The following MYPN variants were observed in gnomAD, a reference collection of about 807,000 sequenced individuals.
MYPN encodes the protein myopalladin.
In MYPN, 63 loss-of-function variants were observed where a neutral mutation model predicts 129.4. The observed-to-expected ratio is 0.49, with a 90% confidence interval of 0.40 to 0.60. The LOEUF is 0.60. Among genes scored for constraint, MYPN ranks in the 20% least tolerant of loss-of-function variants. The pLI is 0.00. For missense variants in MYPN, 1,596 were observed against 1,635.4 expected (o/e 0.98, Z 0.42); for synonymous variants, 629 against 600.9 (o/e 1.05, Z -0.68).
intron 1 of MYPN, among the ~76,000 whole-genome samples, chr10:68,120,930 T>G (rs1803081530): frequency 6.6e-6 from 1 of 152,158 alleles, no homozygotes; most frequent in Middle Eastern, 3.2e-3. Flanking sequence ...TTCAGGGAAA[T>G]TTCATTCTGT....
chr10:68,202,991 T>C (rs2043743939), intron 18 of MYPN, among the ~76,000 whole-genome samples: 1 of 152,216 alleles, frequency 6.6e-6, no homozygotes, highest in Admixed American at 6.5e-5. Context: ...CTATATACTC[T>C]AAATAAACTG....
intron 1 of MYPN, among the ~76,000 whole-genome samples, chr10:68,110,678 A>C (rs906057788): frequency 6.6e-6 from 1 of 152,214 alleles, no homozygotes; most frequent in African/African-American, 2.4e-5. Flanking sequence ...TCTCCTTAAT[A>C]ATAACAGCTC....
rs2043625770 is a variant in MYPN at position 68,197,358 on chromosome 10, A to T, written c.3165A>T (p.Arg1055Ser). Residue 1055 changes from arginine (R) to serine (S), a missense_variant, in exon 16 of 20, where the codon AGA becomes AGT. Coordinates refer to ENST00000358913, the MANE Select transcript of MYPN (RefSeq NM_032578.4). ...LTSAGQSHRG[R>S]SRVQERDKEP... ...AACATGCTTGTTGTTATAGGGGAAG[A>T]TCCCGAGTGCAAGAAAGAGACAAAG... is the stretch of plus-strand genomic sequence containing the variant. 6.2e-7 allele frequency: 1 copy of T among 1,613,462 alleles called. No homozygotes were observed. The highest frequency in any genetic ancestry group is 8.5e-7 in the Non-Finnish European group (1 of 1,179,716).
intron 7 of MYPN, among the ~76,000 whole-genome samples, chr10:68,159,411 G>A (rs1231495413): frequency 6.6e-6 from 1 of 152,158 alleles, no homozygotes; most frequent in Admixed American, 6.5e-5. Context: ...CAAAAAATGG[G>A]AACACTTGTT....
intron 14 of MYPN, 129 bp from the exon 15 acceptor site, chr10:68,195,317 TTTTA>T (rs2134281100): frequency 1.3e-6 from 1 of 745,062 alleles, no homozygotes; most frequent in East Asian, 2.7e-5. Context: ...ATTTTATTGT[TTTTA>T]TTTCTCTCCC....
At chr10:68,177,249 A>T (rs1305858930) in intron 12 of MYPN, among the ~76,000 whole-genome samples, 1 of 152,182 alleles carries the variant, frequency 6.6e-6, no homozygotes, top group African/African-American at 2.4e-5. Context: ...CTCCATCATG[A>T]ATTAACTTCT....
intron 12 of MYPN, 136 bp downstream of exon 12, chr10:68,175,597 C>A: frequency 2.1e-6 from 2 of 957,814 alleles, no homozygotes; most frequent in East Asian, 2.6e-5. Context: ...ACAGACTAAC[C>A]AAAGGTCATG....
intron 1 of MYPN, among the ~76,000 whole-genome samples, chr10:68,095,215 A>G (rs2041950653): frequency 6.6e-6 from 1 of 151,762 alleles, no homozygotes; most frequent in Non-Finnish European, 1.5e-5. Context: ...GTGGGTGTGG[A>G]GTCACATATC....
At chr10:68,166,155 T>G in intron 9 of MYPN, 139 bp from the exon 10 acceptor site, 1 of 976,650 alleles carries the variant, frequency 1.0e-6, no homozygotes, top group Non-Finnish European at 1.6e-6. Flanking sequence ...CATTCTTTAA[T>G]GCCCAGATGA....
intron 2 of MYPN, among the ~76,000 whole-genome samples, chr10:68,136,959 T>C (rs974622054): frequency 6.6e-6 from 1 of 152,196 alleles, no homozygotes; most frequent in Non-Finnish European, 1.5e-5. Context: ...GTTCAAACTT[T>C]TTATTCTCAG....
At chr10:68,090,980 A>T (rs1028198181) in intron 1 of MYPN, among the ~76,000 whole-genome samples, 1 of 152,192 alleles carries the variant, frequency 6.6e-6, no homozygotes. Context: ...ACTCGCATTA[A>T]CCAAATTCCC....
intron 14 of MYPN, among the ~76,000 whole-genome samples, chr10:68,195,075 C>A (rs993903284): frequency 6.6e-5 from 10 of 152,194 alleles, no homozygotes; most frequent in South Asian, 2.1e-4. Context: ...AAGTACAGAA[C>A]TATAACATCC....
intron 15 of MYPN, among the ~76,000 whole-genome samples, chr10:68,195,921 G>T (rs2043597414): frequency 6.6e-6 from 1 of 152,016 alleles, no homozygotes; most frequent in African/African-American, 2.4e-5. Flanking sequence ...TCCCACCTCA[G>T]CCTCCCAAGT....
chr10:68,120,916 C>T (rs969939535), intron 1 of MYPN, among the ~76,000 whole-genome samples: 2 of 152,126 alleles, frequency 1.3e-5, no homozygotes, highest in African/African-American at 2.4e-5. Flanking sequence ...TCTTTATTTT[C>T]AATTTCAGGG....
intron 2 of MYPN, chr10:68,136,748 T>C (rs1564655597): frequency 6.5e-7 from 1 of 1,532,728 alleles, no homozygotes; most frequent in Admixed American, 2.0e-5. Flanking sequence ...ACGAGAAATG[T>C]TCTCTAAATA....
At chr10:68,209,004 A>G (rs1432638684) in intron 19 of MYPN, among the ~76,000 whole-genome samples, 1 of 152,162 alleles carries the variant, frequency 6.6e-6, no homozygotes, top group Non-Finnish European at 1.5e-5. Flanking sequence ...TGGTCCTCCA[A>G]ATTTTGATTT....
intron 2 of MYPN, among the ~76,000 whole-genome samples, chr10:68,127,203 C>T (rs965641804): frequency 6.6e-6 from 1 of 152,070 alleles, no homozygotes; most frequent in East Asian, 1.9e-4. Flanking sequence ...CGGGGTTTCA[C>T]CATGTAGGCC....
At chr10:68,207,308 C>T (rs937778209) in intron 19 of MYPN, among the ~76,000 whole-genome samples, 1 of 152,042 alleles carries the variant, frequency 6.6e-6, no homozygotes, top group African/African-American at 2.4e-5. Flanking sequence ...ATAAATGAAT[C>T]GGGTAGACTA....
chr10:68,131,894 GA>G (rs1232618657), intron 2 of MYPN, among the ~76,000 whole-genome samples: 1 of 152,072 alleles, frequency 6.6e-6, no homozygotes, highest in Non-Finnish European at 1.5e-5. Context: ...TTAAATTCAT[GA>G]AACAATTCTC....
Sources: allele counts gnomAD v4.1 joint callset (sites outside exome capture counted in the v4.1 genomes callset), GRCh38; gene constraint gnomAD v4.1.1; transcripts MANE v1.5; gene names NCBI Gene and HGNC (gene_info 2026-07-23, HGNC 2026-07-21).